ZNF568: variants seen among roughly 807,000 people sequenced by gnomAD.
ZNF568 encodes the protein zinc finger protein 568.
ZNF568 carries 11 observed loss-of-function variants against 18.1 expected under a neutral mutation model. The ratio of observed to expected loss-of-function variants is 0.61; its 90% CI spans 0.38 to 1.00. The LOEUF is 1.00. Among genes scored for constraint, ZNF568 ranks in the 50% least tolerant of loss-of-function variants. The pLI is 0.01. For missense variants in ZNF568, 639 were observed against 768.2 expected, an observed-to-expected ratio of 0.83 and a Z score of 1.99; for synonymous variants, 213 against 246.6, an observed-to-expected ratio of 0.86 and a Z score of 1.28.
At chr19:36,927,481 C>T (rs758539636) in intron 4 of ZNF568, among the ~76,000 whole-genome samples, 1 of 152,012 alleles carries the variant, frequency 6.6e-6, no homozygotes, top group African/African-American at 2.4e-5. Context: ...TGTGATGCCA[C>T]CTTTACTGTA....
intron 7 of ZNF568, among the ~76,000 whole-genome samples, chr19:36,974,837 T>G (rs935438582): frequency 4.6e-5 from 7 of 151,262 alleles, no homozygotes; most frequent in Non-Finnish European, 7.4e-5. Flanking sequence ...TTTTTTTTTT[T>G]TTTTTTTGAG....
intron 3 of ZNF568, among the ~76,000 whole-genome samples, chr19:36,924,280 G>A (rs533025746): frequency 1.3e-5 from 2 of 151,920 alleles, no homozygotes; most frequent in South Asian, 4.2e-4. Flanking sequence ...GTGCAGTGGT[G>A]TGATCTCGGC....
intron 6 of ZNF568, among the ~76,000 whole-genome samples, chr19:36,962,423 C>T (rs1302353026): frequency 6.6e-6 from 1 of 151,010 alleles, no homozygotes. Flanking sequence ...TCACTGCAAC[C>T]TCCACCTCTC....
chr19:36,960,110 C>CTTTTTTT (rs34588591), intron 6 of ZNF568, among the ~76,000 whole-genome samples: 27 of 87,680 alleles, frequency 3.1e-4, no homozygotes, highest in Non-Finnish European at 4.3e-4. Flanking sequence ...AATTGTTCTA[C>CTTTTTTT]TTTTTTTTTT....
At chr19:36,983,893 C>CTTTTTTTTTT (rs57048125), downstream of ZNF568, among the ~76,000 whole-genome samples, 513 of 108,526 alleles carry the variant, frequency 4.7e-3, 4 homozygotes, top group Non-Finnish European at 6.6e-3. Context: ...CAACTTTGTC[C>CTTTTTTTTTT]TTTTTTTTTT....
intron 2 of ZNF568, chr19:36,991,001 C>T (rs1322334910): frequency 1.2e-5 from 7 of 599,702 alleles, no homozygotes; most frequent in African/African-American, 1.1e-4. Context: ...ACCATGTGGG[C>T]ACTTCACTCT....
chr19:36,989,136 A>T (rs925989444), intron 2 of ZNF568, among the ~76,000 whole-genome samples: 6 of 152,198 alleles, frequency 3.9e-5, no homozygotes, highest in Non-Finnish European at 7.3e-5. Flanking sequence ...CTTGTTCCCC[A>T]GTTCTTCCCA....
At chr19:36,931,798 A>G (rs2073691074) in intron 4 of ZNF568, among the ~76,000 whole-genome samples, 1 of 152,198 alleles carries the variant, frequency 6.6e-6, no homozygotes, top group Admixed American at 6.5e-5. Context: ...TTTTTAGTGT[A>G]TTCACAGAGT....
chr19:36,927,454 T>C (rs2073574968), intron 4 of ZNF568, among the ~76,000 whole-genome samples: 1 of 152,168 alleles, frequency 6.6e-6, no homozygotes, highest in Non-Finnish European at 1.5e-5. Context: ...CACCGTTTAT[T>C]AAGTAGATCT....
chr19:36,926,998 T>C (rs1231074068), intron 4 of ZNF568, among the ~76,000 whole-genome samples: 1 of 152,214 alleles, frequency 6.6e-6, no homozygotes, highest in Non-Finnish European at 1.5e-5. Context: ...TCATATTGTT[T>C]GTCTATTTTG....
chr19:36,975,802 T>C (rs1233409810), intron 7 of ZNF568, among the ~76,000 whole-genome samples: 1 of 150,058 alleles, frequency 6.7e-6, no homozygotes, highest in Non-Finnish European at 1.5e-5. Context: ...TTCAAGCAAT[T>C]CTTCTGCCTC....
chr19:36,925,606 CTA>C (rs949419412), intron 4 of ZNF568, among the ~76,000 whole-genome samples: 9 of 151,916 alleles, frequency 5.9e-5, no homozygotes, highest in African/African-American at 9.7e-5. Flanking sequence ...AAAAGAAACT[CTA>C]AAATATAGTT....
chr19:36,939,367 G>A (rs2073840557), intron 6 of ZNF568, among the ~76,000 whole-genome samples: 1 of 152,068 alleles, frequency 6.6e-6, no homozygotes, highest in Admixed American at 6.6e-5. Context: ...GGGTGCCTCT[G>A]TTTTAGAGAA....
At chr19:36,946,445 C>T (rs1600812423) in intron 6 of ZNF568, among the ~76,000 whole-genome samples, 2 of 151,956 alleles carry the variant, frequency 1.3e-5, no homozygotes, top group South Asian at 4.1e-4. Context: ...CCTAGAATTA[C>T]TACTTGCCTT....
chr19:36,980,850 AG>A (rs1368736761), downstream of ZNF568, among the ~76,000 whole-genome samples: 4 of 152,172 alleles, frequency 2.6e-5, no homozygotes, highest in African/African-American at 9.7e-5. Context: ...CTTGCCTGAA[AG>A]TCAAGCTGAT....
At chr19:36,965,702 G>A (rs1415584931) in intron 6 of ZNF568, among the ~76,000 whole-genome samples, 1 of 138,312 alleles carries the variant, frequency 7.2e-6, no homozygotes, top group Non-Finnish European at 1.5e-5. Context: ...TGTGATCAAG[G>A]ACTTTTTTTT....
intron 6 of ZNF568, among the ~76,000 whole-genome samples, chr19:36,960,148 C>T (rs568414507): frequency 7.7e-5 from 10 of 130,292 alleles, no homozygotes; most frequent in East Asian, 4.8e-4. Flanking sequence ...AGAGTCTCCT[C>T]GCTCTGTTGC....
chr19:36,980,941 G>A (rs1600851293), downstream of ZNF568, among the ~76,000 whole-genome samples: 3 of 152,156 alleles, frequency 2.0e-5, no homozygotes, highest in East Asian at 5.8e-4. Context: ...CATCTCATGA[G>A]CATAAACTAA....
intron 2 of ZNF568, chr19:36,991,105 A>T: frequency 6.9e-7 from 1 of 1,458,666 alleles, no homozygotes; most frequent in Non-Finnish European, 9.1e-7. Flanking sequence ...TGCTTTCTCC[A>T]TTTTCTTTTA....
Sources: allele counts gnomAD v4.1 joint callset (sites outside exome capture counted in the v4.1 genomes callset), GRCh38; gene constraint gnomAD v4.1.1; transcripts MANE v1.5; gene names NCBI Gene and HGNC (gene_info 2026-07-23, HGNC 2026-07-21).